The following KHDRBS2 variants were observed in gnomAD, a reference collection of about 807,000 sequenced individuals.
KHDRBS2 encodes KH domain-containing, RNA-binding, signal transduction-associated protein 2.
In KHDRBS2, 26 loss-of-function variants were observed where a neutral mutation model predicts 44.3. That is an observed-to-expected ratio of 0.59 (90% CI 0.43 to 0.81). The LOEUF (loss-of-function observed/expected upper bound fraction) is 0.81, where lower values mean the gene tolerates loss of function less well. Ranked by LOEUF, KHDRBS2 falls within the 40% of genes least tolerant of loss-of-function variation. KHDRBS2 has a pLI of 0.00. For synonymous variants in KHDRBS2, 194 were observed against 151.1 expected (o/e 1.28, Z -2.08); for missense variants, 476 against 433.1 (o/e 1.10, Z -0.88).
At chr6:62,161,898 C>A (rs927550861) in intron 2 of KHDRBS2, among the ~76,000 whole-genome samples, 1 of 152,024 alleles carries the variant, frequency 6.6e-6, no homozygotes, top group Admixed American at 6.6e-5. Context: ...ACACACAAAA[C>A]TCTGCACCTT....
At position 62,277,733 on chromosome 6, in the gene KHDRBS2, A is replaced by G. The variant is rs958665364; in HGVS notation, c.91+8125T>C. Among the ~76,000 whole-genome samples the G allele has an allele frequency of 7.2e-5, 11 of 152,294 alleles. No individual in the cohort carries two copies. The East Asian group carries it at 1.4e-3, about 19-fold the overall frequency. ...ACTAGTCTGATGGAATTAATCCTCC[A>G]AACTATAACTAAAATATAAGGTAAA... On this transcript the variant is annotated intron_variant, in intron 1 of 8. Coordinates refer to ENST00000281156, the MANE Select transcript of KHDRBS2 (RefSeq NM_152688.4).
At chr6:61,958,984 A>C (rs1768029492) in intron 4 of KHDRBS2, among the ~76,000 whole-genome samples, 1 of 152,178 alleles carries the variant, frequency 6.6e-6, no homozygotes, top group South Asian at 2.1e-4. Context: ...AGAACAATGC[A>C]CTTCAGTATC....
At chr6:61,831,436 C>T (rs907313779) in intron 6 of KHDRBS2, among the ~76,000 whole-genome samples, 3 of 151,878 alleles carry the variant, frequency 2.0e-5, no homozygotes, top group African/African-American at 7.3e-5. Context: ...ATATTTCTAT[C>T]AATATTATTA....
the KHDRBS2 span, among the ~76,000 whole-genome samples, chr6:61,636,206 T>C: frequency 6.6e-6 from 1 of 152,092 alleles, no homozygotes; most frequent in Non-Finnish European, 1.5e-5. Flanking sequence ...ATTTACATGT[T>C]CAAATGACAT....
At chr6:61,617,391 C>CTAGT in the KHDRBS2 span, among the ~76,000 whole-genome samples, 1 of 151,368 alleles carries the variant, frequency 6.6e-6, no homozygotes, top group South Asian at 2.1e-4. Flanking sequence ...TCTCATTGTC[C>CTAGT]TAGTTATCTA....
intron 3 of KHDRBS2, among the ~76,000 whole-genome samples, chr6:62,026,152 G>GT (rs1432534370): frequency 1.3e-5 from 2 of 151,802 alleles, no homozygotes; most frequent in East Asian, 3.9e-4. Flanking sequence ...ATTTCAAGCT[G>GT]TAAGTGTCCA....
chr6:61,570,765 T>G, the KHDRBS2 span, among the ~76,000 whole-genome samples: 1 of 152,146 alleles, frequency 6.6e-6, no homozygotes, highest in African/African-American at 2.4e-5. Context: ...GGTCCCATCT[T>G]TAGCTTCCTA....
intron 6 of KHDRBS2, among the ~76,000 whole-genome samples, chr6:61,781,580 C>T (rs1181953718): frequency 2.0e-5 from 3 of 152,118 alleles, no homozygotes; most frequent in Non-Finnish European, 2.9e-5. Context: ...AACCTTTTCT[C>T]CCTGTTTATT....
At chr6:62,153,642 A>G (rs1815710391) in intron 2 of KHDRBS2, among the ~76,000 whole-genome samples, 2 of 152,138 alleles carry the variant, frequency 1.3e-5, no homozygotes, top group Non-Finnish European at 2.9e-5. Context: ...AAATATGATC[A>G]TTGCTACCTA....
chr6:61,880,219 A>G (rs1438656978), intron 6 of KHDRBS2, among the ~76,000 whole-genome samples: 1 of 151,942 alleles, frequency 6.6e-6, no homozygotes, highest in Non-Finnish European at 1.5e-5. Flanking sequence ...TCAAGATTTA[A>G]GATAGTTTTG....
At chr6:61,548,485 A>G in the KHDRBS2 span, among the ~76,000 whole-genome samples, 1 of 152,164 alleles carries the variant, frequency 6.6e-6, no homozygotes, top group Non-Finnish European at 1.5e-5. Flanking sequence ...GGGATGTAGA[A>G]GTTGCTGTCC....
chr6:61,910,486 T>C (rs1468345515), intron 4 of KHDRBS2, among the ~76,000 whole-genome samples: 2 of 152,208 alleles, frequency 1.3e-5, no homozygotes, highest in Admixed American at 1.3e-4. Context: ...TAAATGTCTG[T>C]ACCTAAACAA....
chr6:61,925,158 A>C (rs899162881), intron 4 of KHDRBS2, among the ~76,000 whole-genome samples: 1 of 152,152 alleles, frequency 6.6e-6, no homozygotes, highest in African/African-American at 2.4e-5. Flanking sequence ...AAGATTTCCA[A>C]CAAAAGGTAG....
chr6:62,115,342 C>G (rs1477768210), intron 2 of KHDRBS2, among the ~76,000 whole-genome samples: 1 of 152,124 alleles, frequency 6.6e-6, no homozygotes, highest in Non-Finnish European at 1.5e-5. Flanking sequence ...AGGCTGACTA[C>G]TTTGATATCA....
chr6:62,074,966 A>G (rs755548513), intron 2 of KHDRBS2, among the ~76,000 whole-genome samples: 4 of 151,906 alleles, frequency 2.6e-5, no homozygotes, highest in Non-Finnish European at 5.9e-5. Flanking sequence ...ATACTTTTAA[A>G]ATTATGATTT....
At chr6:62,061,570 A>T (rs1406398482) in intron 2 of KHDRBS2, among the ~76,000 whole-genome samples, 3 of 149,702 alleles carry the variant, frequency 2.0e-5, no homozygotes, top group African/African-American at 7.4e-5. Context: ...CTTCCCTTTG[A>T]GGGTAACCCG....
the KHDRBS2 span, among the ~76,000 whole-genome samples, chr6:61,579,443 T>A: frequency 6.6e-6 from 1 of 152,066 alleles, no homozygotes; most frequent in Admixed American, 6.6e-5. Context: ...ACACTTCTCA[T>A]TTTGTTTTGT....
chr6:62,138,396 C>T (rs1812039193), intron 2 of KHDRBS2, among the ~76,000 whole-genome samples: 1 of 152,106 alleles, frequency 6.6e-6, no homozygotes, highest in Non-Finnish European at 1.5e-5. Context: ...TTTAAAGGAT[C>T]CATATTTCAG....
intron 6 of KHDRBS2, among the ~76,000 whole-genome samples, chr6:61,751,501 A>G (rs1777687999): frequency 1.3e-5 from 2 of 152,184 alleles, no homozygotes; most frequent in Admixed American, 6.5e-5. Context: ...AGAAAAGGGG[A>G]CAAGGCCATC....
Sources: allele counts gnomAD v4.1 joint callset (sites outside exome capture counted in the v4.1 genomes callset), GRCh38; gene constraint gnomAD v4.1.1; transcripts MANE v1.5; gene names NCBI Gene and HGNC (gene_info 2026-07-23, HGNC 2026-07-21).